The following PDE10A variants were observed in gnomAD, a reference collection of about 807,000 sequenced individuals.
PDE10A encodes the protein phosphodiesterase 10A.
Under a neutral mutation model 97.7 loss-of-function variants are expected in PDE10A, and 39 were observed. That is an observed-to-expected ratio of 0.40 (90% CI 0.31 to 0.52). The LOEUF is 0.52. Among genes scored for constraint, PDE10A ranks in the 20% least tolerant of loss-of-function variants. PDE10A has a pLI of 0.56. For missense variants in PDE10A, 731 were observed against 1,047.8 expected (o/e 0.70, Z 4.17); for synonymous variants, 371 against 376.8 (o/e 0.98, Z 0.18).
intron 1 of PDE10A, among the ~76,000 whole-genome samples, chr6:165,723,125 G>A (rs1792207404): frequency 6.6e-6 from 1 of 152,036 alleles, no homozygotes; most frequent in Non-Finnish European, 1.5e-5. Context: ...TCTAGTTGTG[G>A]CCTGAGACAA....
chr6:165,619,136 A>AGTGTAGTGTC (rs1787891757), intron 1 of PDE10A, among the ~76,000 whole-genome samples: 1 of 146,526 alleles, frequency 6.8e-6, no homozygotes, highest in African/African-American at 2.6e-5. Flanking sequence ...AGTCTAGTGT[A>AGTGTAGTGTC]GTGTAGTCTA....
chr6:165,871,485 A>G (rs1461910566), intron 1 of PDE10A, among the ~76,000 whole-genome samples: 1 of 152,032 alleles, frequency 6.6e-6, no homozygotes, highest in Non-Finnish European at 1.5e-5. Flanking sequence ...ATGGAGGGGA[A>G]CTCTGGTCCT....
rs114586246 is a variant in PDE10A at position 165,475,681 on chromosome 6, C to T, written c.1023+6634G>A. ...GGATGTGAGTTCATGCTCATGTCTG[C>T]AACAGGGCCCTGTATTTAGAAACAC... is the stretch of plus-strand genomic sequence containing the variant. On this transcript the variant is annotated intron_variant, in intron 3 of 21. Coordinates refer to ENST00000539869, the MANE Select transcript of PDE10A (RefSeq NM_001385079.1). 7.5e-3 allele frequency among the ~76,000 whole-genome samples: 1,148 copies of T among 152,274 alleles called. 10 individuals carry two copies. The highest frequency in any genetic ancestry group is 0.026 in the African/African-American group (1,081 of 41,558).
At chr6:165,438,245 A>C (rs1421559978) in intron 5 of PDE10A, among the ~76,000 whole-genome samples, 2 of 151,864 alleles carry the variant, frequency 1.3e-5, no homozygotes, top group Non-Finnish European at 2.9e-5. Flanking sequence ...CTGGAGTGCA[A>C]TGGTGCAATC....
At chr6:165,377,367 C>T (rs996156181) in intron 18 of PDE10A, among the ~76,000 whole-genome samples, 2 of 152,104 alleles carry the variant, frequency 1.3e-5, no homozygotes, top group African/African-American at 4.8e-5. Flanking sequence ...TAGAATATTA[C>T]TCTTTTTTAT....
intron 1 of PDE10A, among the ~76,000 whole-genome samples, chr6:165,818,083 C>T (rs1200707471): frequency 6.6e-6 from 1 of 152,186 alleles, no homozygotes; most frequent in African/African-American, 2.4e-5. Flanking sequence ...ACAGAACGCT[C>T]AATTGTGATG....
At chr6:165,828,628 G>A (rs956675259) in intron 1 of PDE10A, among the ~76,000 whole-genome samples, 1 of 152,220 alleles carries the variant, frequency 6.6e-6, no homozygotes, top group African/African-American at 2.4e-5. Flanking sequence ...TTGCACAGGT[G>A]GATAAGCTGC....
chr6:165,508,739 A>T (rs1781343872), intron 2 of PDE10A, among the ~76,000 whole-genome samples: 1 of 152,008 alleles, frequency 6.6e-6, no homozygotes. Flanking sequence ...AGAGGTATGC[A>T]GTGATACCTC....
chr6:165,929,212 CAAAA>C (rs1386583550), intron 1 of PDE10A, among the ~76,000 whole-genome samples: 2 of 152,120 alleles, frequency 1.3e-5, no homozygotes, highest in African/African-American at 2.4e-5. Context: ...TGCAGAAAAA[CAAAA>C]GAACTAAAAC....
chr6:165,592,201 T>C (rs3008005), intron 1 of PDE10A, among the ~76,000 whole-genome samples: 2 of 151,988 alleles, frequency 1.3e-5, no homozygotes, highest in Non-Finnish European at 2.9e-5. Context: ...AAAACAAGCA[T>C]TGGGGAAAGG....
rs368078507 is a variant in PDE10A, at chr6:165,831,540, C to T, written c.-615+155989G>A. Among the ~76,000 whole-genome samples, 275 of 146,774 alleles carry T rather than the reference C, an allele frequency of 1.9e-3. 1 individual carries two copies. The highest frequency in any genetic ancestry group is 6.5e-3 in the African/African-American group (256 of 39,186). The stretch of plus-strand genomic sequence containing the variant: ...TCACCCAGGCTGGAGTGCAGTGGCA[C>T]GATCTCGGCTCACTGCAAGCTCTGC... On this transcript the variant is annotated intron_variant, in intron 1 of 19. Coordinates refer to the PDE10A transcript ENST00000366882.
In PDE10A at chr6:165,655,874, T is replaced by G. The variant is rs1017404462; in HGVS notation, c.865+6073A>C. 6.6e-6 allele frequency among the ~76,000 whole-genome samples: 1 copy of G among 151,996 alleles called. No individual in the cohort carries two copies. Among genetic ancestry groups the G allele is most frequent in the Non-Finnish European group, 1.5e-5 (1 of 68,002 alleles). The stretch of plus-strand genomic sequence containing the variant: ...TCCAGCACGGCCGTCACCCCGCTCC[T>G]CTGCCTTGTGAGCCCCCTCTGCCTA... On this transcript the variant is annotated intron_variant, in intron 1 of 21. Transcript: ENST00000539869. The surrounding 1 kb of genome is among the most constrained non-coding windows in gnomAD (Gnocchi z 4.5).
chr6:165,574,043 T>C (rs1311503516), intron 1 of PDE10A, among the ~76,000 whole-genome samples: 2 of 152,202 alleles, frequency 1.3e-5, no homozygotes, highest in African/African-American at 4.8e-5. Context: ...AGGTTAAAGT[T>C]AGGAGCGAAG....
intron 1 of PDE10A, among the ~76,000 whole-genome samples, chr6:165,943,176 AAAG>A (rs201984018): frequency 0.044 from 2,403 of 54,944 alleles, 180 homozygotes; most frequent in East Asian, 0.14. Flanking sequence ...AAGAAAGAAA[AAAG>A]AAAGAAAGAA....
chr6:165,783,026 CT>C (rs35250056), intron 1 of PDE10A, among the ~76,000 whole-genome samples: 19,018 of 152,124 alleles, frequency 0.13, 1,409 homozygotes, highest in African/African-American at 0.19. Context: ...CACTTCCTCG[CT>C]TATAAATTCA....
At chr6:165,726,242 G>T (rs60955107) in intron 1 of PDE10A, among the ~76,000 whole-genome samples, 2,718 of 152,138 alleles carry the variant, frequency 0.018, 84 homozygotes, top group African/African-American at 0.062. Context: ...AGGAAACAAG[G>T]GAGGATCCAG....
At chr6:165,411,495 AG>A (rs1294716558) in intron 13 of PDE10A, among the ~76,000 whole-genome samples, 10 of 152,212 alleles carry the variant, frequency 6.6e-5, no homozygotes, top group African/African-American at 2.2e-4. Context: ...CAAGGAAAAC[AG>A]GCTTCAGGAG....
chr6:165,963,099 G>A (rs1484780386), intron 1 of PDE10A, among the ~76,000 whole-genome samples: 1 of 152,188 alleles, frequency 6.6e-6, no homozygotes, highest in African/African-American at 2.4e-5. Flanking sequence ...GTTGAATGAA[G>A]AATGCAACCT....
At chr6:165,421,695 A>C (rs960840167) in intron 10 of PDE10A, among the ~76,000 whole-genome samples, 33 of 152,198 alleles carry the variant, frequency 2.2e-4, no homozygotes, top group African/African-American at 7.7e-4. Context: ...TGAAGAGATA[A>C]AATTTTTCTT....
Sources: gnomAD v4.1 joint callset for allele counts (sites outside exome capture counted in the v4.1 genomes callset) on GRCh38, gnomAD v4.1.1 for gene constraint, Gnocchi (gnomAD v3.1) non-coding constraint, MANE v1.5 for transcripts, NCBI Gene and HGNC (gene_info 2026-07-23, HGNC 2026-07-21) for gene names.